The following SHISA6 variants were observed in gnomAD, a reference collection of about 807,000 sequenced individuals.
SHISA6 encodes the protein protein shisa-6.
SHISA6 carries 22 observed loss-of-function variants against 47.9 expected under a neutral mutation model. The ratio of observed to expected loss-of-function variants is 0.46; its 90% CI spans 0.33 to 0.66. SHISA6 has a LOEUF of 0.66. SHISA6 is among the 30% of genes least tolerant of loss of function. The pLI is 0.02. For missense variants in SHISA6, 680 were observed against 764.6 expected, an observed-to-expected ratio of 0.89 and a Z score of 1.30; for synonymous variants, 388 against 337.8, an observed-to-expected ratio of 1.15 and a Z score of -1.63.
chr17:11,375,843 A>G (rs1369319434), intron 2 of SHISA6, among the ~76,000 whole-genome samples: 2 of 152,140 alleles, frequency 1.3e-5, no homozygotes, highest in Non-Finnish European at 2.9e-5. Flanking sequence ...GTCAGTGGTG[A>G]AGGTGAGGGG....
In SHISA6 at chr17:11,274,376, A is replaced by G. The variant is rs374931638; in HGVS notation, c.799+10850A>G. On this transcript the variant is annotated intron_variant, in intron 2 of 5. Transcript: ENST00000441885. ...GAGGACAGGGTTAGAATTCGCAATT[A>G]CCTCCATGAGTTGGCAAAACGAAGG... Among the ~76,000 whole-genome samples, 51 of 152,298 alleles carry G rather than the reference A, an allele frequency of 3.3e-4. 2 individuals are homozygous for G. The South Asian group carries it at 1.0e-2, about 30-fold the overall frequency.
At position 11,562,361 on chromosome 17, in the gene SHISA6, C is replaced by T. The variant is rs2072052556; in HGVS notation, c.*4057C>T. ...CAGAAGGTGCCTGCCCTGAGAAGAG[C>T]TGGCATGTTACCTCCCACATACATT... On this transcript the variant is annotated 3_prime_UTR_variant, in exon 6 of 6. Coordinates refer to ENST00000441885, the MANE Select transcript of SHISA6 (RefSeq NM_207386.4). The T allele has an allele frequency of 6.6e-6, 1 of 152,092 alleles. No individual in the cohort carries two copies. The highest frequency in any genetic ancestry group is 2.1e-4 in the South Asian group (1 of 4,830). The allele number at this position is 152,092 out of a possible 1,614,324, so 9.4% of individuals were successfully genotyped here.
chr17:11,420,558 G>A (rs772658848), intron 3 of SHISA6, among the ~76,000 whole-genome samples: 2 of 152,146 alleles, frequency 1.3e-5, no homozygotes, highest in Non-Finnish European at 2.9e-5. Flanking sequence ...CACAGCCTCC[G>A]CAGCAATAAT....
chr17:11,511,505 A>G (rs907808712), intron 3 of SHISA6, among the ~76,000 whole-genome samples: 1 of 151,780 alleles, frequency 6.6e-6, no homozygotes, highest in African/African-American at 2.4e-5. Context: ...TCCCCCCACA[A>G]AAAAACAGTA....
intron 2 of SHISA6, among the ~76,000 whole-genome samples, chr17:11,339,751 G>A (rs1397473298): frequency 6.6e-6 from 1 of 152,140 alleles, no homozygotes; most frequent in Admixed American, 6.5e-5. Flanking sequence ...TCAGCCTGTG[G>A]GAGCCCAGGG....
chr17:11,392,425 C>T (rs769211161), intron 3 of SHISA6, among the ~76,000 whole-genome samples: 4 of 152,138 alleles, frequency 2.6e-5, no homozygotes, highest in African/African-American at 4.8e-5. Context: ...ATTGTTGTCC[C>T]ATCGGGGTGA....
intron 2 of SHISA6, among the ~76,000 whole-genome samples, chr17:11,340,762 A>G (rs946104810): frequency 6.6e-6 from 1 of 152,216 alleles, no homozygotes; most frequent in African/African-American, 2.4e-5. Context: ...CTACCTAACA[A>G]GGCTGGGATC....
chr17:11,301,155 A>G (rs1228766756), intron 2 of SHISA6, among the ~76,000 whole-genome samples: 1 of 151,822 alleles, frequency 6.6e-6, no homozygotes, highest in African/African-American at 2.4e-5. Context: ...AGACCCCTTT[A>G]ATGCAGCTGG....
intron 2 of SHISA6, among the ~76,000 whole-genome samples, chr17:11,355,620 A>G (rs1014564389): frequency 6.6e-6 from 1 of 152,208 alleles, no homozygotes; most frequent in Admixed American, 6.5e-5. Context: ...TATATCAAAT[A>G]AAGATAAAAC....
chr17:11,525,591 C>A (rs1253759806), intron 3 of SHISA6, among the ~76,000 whole-genome samples: 1 of 139,618 alleles, frequency 7.2e-6, no homozygotes, highest in African/African-American at 2.7e-5. Flanking sequence ...CGAGATCGCG[C>A]CACTGCACTC....
At chr17:11,511,326 A>G (rs1474939219) in intron 3 of SHISA6, among the ~76,000 whole-genome samples, 1 of 152,094 alleles carries the variant, frequency 6.6e-6, no homozygotes, top group Non-Finnish European at 1.5e-5. Flanking sequence ...TAGGACAAAT[A>G]CCTAACGCAT....
At chr17:11,282,259 C>A (rs1215969125) in intron 2 of SHISA6, among the ~76,000 whole-genome samples, 1 of 152,150 alleles carries the variant, frequency 6.6e-6, no homozygotes, top group Non-Finnish European at 1.5e-5. Flanking sequence ...CTGCATAGTT[C>A]TCTTATTCAC....
At chr17:11,402,299 T>C (rs1206720678) in intron 3 of SHISA6, among the ~76,000 whole-genome samples, 3 of 152,206 alleles carry the variant, frequency 2.0e-5, no homozygotes, top group Non-Finnish European at 4.4e-5. Flanking sequence ...GCCCAGGGAT[T>C]GTTTAAAGTC....
intron 3 of SHISA6, among the ~76,000 whole-genome samples, chr17:11,494,621 C>A (rs548189179): frequency 6.6e-6 from 1 of 152,254 alleles, no homozygotes; most frequent in South Asian, 2.1e-4. Flanking sequence ...GAAAACATAA[C>A]AGAACTGAGG....
intron 3 of SHISA6, among the ~76,000 whole-genome samples, chr17:11,409,679 C>G (rs2191085): frequency 0.54 from 77,423 of 142,656 alleles, 21,448 homozygotes; most frequent in African/African-American, 0.68. Flanking sequence ...ACTCCAGCCT[C>G]GGGGACAGAG....
intron 3 of SHISA6, among the ~76,000 whole-genome samples, chr17:11,503,259 C>T (rs1016169494): frequency 6.6e-6 from 1 of 152,172 alleles, no homozygotes; most frequent in Non-Finnish European, 1.5e-5. Flanking sequence ...GAAGGCAGTT[C>T]TTACCATGCA....
chr17:11,447,769 T>C (rs1398332707), intron 3 of SHISA6, among the ~76,000 whole-genome samples: 4 of 152,360 alleles, frequency 2.6e-5, no homozygotes, highest in Non-Finnish European at 5.9e-5. Context: ...TCTGCCCGTT[T>C]CCTTCCATTC....
chr17:11,350,222 C>T, intron 2 of SHISA6, among the ~76,000 whole-genome samples: 1 of 112,548 alleles, frequency 8.9e-6, no homozygotes, highest in African/African-American at 3.7e-5. Context: ...CTCTGTCGCC[C>T]AGGCTGGAGT....
chr17:11,505,555 C>T (rs373500321), intron 3 of SHISA6, among the ~76,000 whole-genome samples: 2 of 152,310 alleles, frequency 1.3e-5, no homozygotes, highest in East Asian at 3.9e-4. Context: ...CCCGTCCTTT[C>T]CTTCATGAAG....
Sources: allele counts gnomAD v4.1 joint callset (sites outside exome capture counted in the v4.1 genomes callset), GRCh38; gene constraint gnomAD v4.1.1; transcripts MANE v1.5; gene names NCBI Gene and HGNC (gene_info 2026-07-23, HGNC 2026-07-21).